Variants in KDM2B observed in about 807,000 individuals in gnomAD.
KDM2B encodes the protein lysine-specific demethylase 2B.
In KDM2B, 26 loss-of-function variants were observed where a neutral mutation model predicts 150.0. The ratio of observed to expected loss-of-function variants is 0.17; its 90% confidence interval spans 0.13 to 0.24. The LOEUF is 0.24. Among genes scored for constraint, KDM2B ranks in the 10% least tolerant of loss-of-function variants. The probability of loss-of-function intolerance (pLI) is 1.00; values close to 1 mark genes in which losing one functional copy is unlikely to be tolerated. For synonymous variants in KDM2B, 734 were observed against 729.5 expected, an observed-to-expected ratio of 1.01 and a Z score of -0.10; for missense variants, 1,265 against 1,816.9, an observed-to-expected ratio of 0.70 and a Z score of 5.52.
chr12:121,548,900 C>T lies in KDM2B; in HGVS notation c.660G>A (p.Glu220=), dbSNP rs1555311246. Residue 220 remains glutamate, a synonymous_variant, in exon 6 of 23, where the codon GAG becomes GAA. Transcript: ENST00000377071. Reference sequence around the variant, plus strand: ...ACTTTTTCACTTTCGGGTACTTCATCTCTGCAATGGCGTTCGTGGCTTCTG... The same window carrying T: ...ACTTTTTCACTTTCGGGTACTTCATTTCTGCAATGGCGTTCGTGGCTTCTG... The part of the protein sequence containing the change: ...KQTEATNAIA[E]MKYPKVKKYC... The T allele has an allele frequency of 1.9e-6, 3 of 1,614,028 alleles. No individual in the cohort carries two copies. In the African/African-American group the frequency reaches 4.0e-5, roughly 22 times the overall value.
chr12:121,478,915 G>A (rs956625665), intron 12 of KDM2B, among the ~76,000 whole-genome samples: 2 of 104,862 alleles, frequency 1.9e-5, no homozygotes, highest in Non-Finnish European at 4.3e-5. Context: ...ACAGAGTTTC[G>A]TCATGTTGCC....
the KDM2B span, chr12:121,423,604 C>T: frequency 1.3e-6 from 2 of 1,593,094 alleles, no homozygotes; most frequent in Non-Finnish European, 1.7e-6. This position sits in a 1 kb window ranked among gnomAD's most constrained non-coding sequence, Gnocchi z 4.3. Flanking sequence ...AGGACAGTCA[C>T]CCCCAAACTT....
intron 2 of KDM2B, among the ~76,000 whole-genome samples, chr12:121,576,406 A>C (rs548056185): frequency 1.8e-4 from 28 of 152,264 alleles, no homozygotes; most frequent in African/African-American, 6.7e-4. Flanking sequence ...GTTTCCCTGG[A>C]AACTGTGTAT....
intron 4 of KDM2B, among the ~76,000 whole-genome samples, chr12:121,559,042 C>A (rs1890130578): frequency 6.6e-6 from 1 of 152,206 alleles, no homozygotes; most frequent in Non-Finnish European, 1.5e-5. Flanking sequence ...AGGCCAGGGC[C>A]AAGCCAGGGT....
intron 12 of KDM2B, among the ~76,000 whole-genome samples, chr12:121,489,176 C>T (rs1230597736): frequency 1.3e-5 from 2 of 152,084 alleles, no homozygotes; most frequent in African/African-American, 4.8e-5. Context: ...AACTCCTGAC[C>T]TGAAGTGATG....
At chr12:121,410,484 C>A in the KDM2B span, among the ~76,000 whole-genome samples, 3 of 151,476 alleles carry the variant, frequency 2.0e-5, no homozygotes, top group African/African-American at 7.3e-5. Context: ...TTGCAGTGAG[C>A]CGAGATTGCG....
chr12:121,559,903 C>CA (rs200588261), intron 4 of KDM2B, among the ~76,000 whole-genome samples: 4,761 of 66,260 alleles, frequency 0.072, 166 homozygotes, highest in East Asian at 0.26. Flanking sequence ...AACTCCATCT[C>CA]AAAAAAAAAA....
the KDM2B span, chr12:121,420,542 T>C: frequency 8.4e-5 from 135 of 1,608,230 alleles, no homozygotes; most frequent in Admixed American, 2.2e-4. Flanking sequence ...TCTGGACTTA[T>C]GGGACCAGGG....
At chr12:121,536,071 A>G (rs1888067897) in intron 6 of KDM2B, 7 of 985,740 alleles carry the variant, frequency 7.1e-6, no homozygotes, top group Non-Finnish European at 8.4e-6. Flanking sequence ...AGAGGGAAGG[A>G]ATGGGGCGGG....
At chr12:121,555,121 A>G (rs1223662740) in intron 4 of KDM2B, among the ~76,000 whole-genome samples, 3 of 152,186 alleles carry the variant, frequency 2.0e-5, no homozygotes, top group African/African-American at 4.8e-5. Flanking sequence ...TACAGTGAGC[A>G]ATGGCTGTGC....
rs782584664 is a variant in KDM2B, at chr12:121,445,382, C to T, written c.1996G>A (p.Gly666Ser). 2 of 1,609,864 alleles carry T rather than the reference C, an allele frequency of 1.2e-6. No individual in the cohort carries two copies. Among genetic ancestry groups the T allele is most frequent in the South Asian group, 2.2e-5 (2 of 90,356 alleles). ...ACCGTGTCTTCCTTCCCCGCCTCGC[C>T]ACACACAAGGCACACGGCGGTGTGG... Reference protein sequence around the residue: ...LPHTAVCLVCGEAGKEDTVEE... With the variant: ...LPHTAVCLVCSEAGKEDTVEE... The change falls in exon 14 of 23, where the codon GGC becomes AGC. Residue 666 changes from glycine (G) to serine (S), a missense_variant. This residue lies in a region of KDM2B where 30 missense variants were observed against 32.0 expected (regional missense o/e 0.94). Coordinates refer to ENST00000377071, the MANE Select transcript of KDM2B (RefSeq NM_032590.5).
chr12:121,525,170 ACTCTCC>A (rs1165972837), intron 8 of KDM2B, among the ~76,000 whole-genome samples: 1 of 151,884 alleles, frequency 6.6e-6, no homozygotes, highest in Admixed American at 6.6e-5. Context: ...AAGTAAGGAT[ACTCTCC>A]CTTCAAGGAC....
intron 11 of KDM2B, among the ~76,000 whole-genome samples, chr12:121,499,812 T>C (rs1227314748): frequency 1.3e-5 from 2 of 151,804 alleles, no homozygotes; most frequent in Non-Finnish European, 1.5e-5. Flanking sequence ...TAGCCAGGCA[T>C]GGTGGCACGC....
At chr12:121,554,999 A>G (rs1555312474) in intron 4 of KDM2B, among the ~76,000 whole-genome samples, 2 of 152,098 alleles carry the variant, frequency 1.3e-5, no homozygotes, top group African/African-American at 4.8e-5. Context: ...CAGCCTGGAT[A>G]ACATGTCAAG....
chr12:121,417,743 T>C, the KDM2B span: 2 of 1,614,204 alleles, frequency 1.2e-6, no homozygotes, highest in East Asian at 4.5e-5. The surrounding 1 kb of genome is among the most constrained non-coding windows in gnomAD (Gnocchi z 5.0). Context: ...GACTAGGCTC[T>C]GAGGACGACA....
Position 121,443,755 on chromosome 12 carries a change from G to A in KDM2B, c.2490C>T (p.His830=), listed in dbSNP as rs1875615285. ...SLQTSPGSSS[H]LSPRPPLGSS... is the part of the protein sequence containing the mutation. ...TGCCTAGAGGGGGCCTCGGCGAGAG[G>A]TGAGAGGAGGAACCGGGGGACGTTT... is the stretch of plus-strand genomic sequence containing the variant. Residue 830 remains histidine, a synonymous_variant, in exon 17 of 23, where the codon CAC becomes CAT. Coordinates refer to ENST00000377071, the MANE Select transcript of KDM2B (RefSeq NM_032590.5). 2 of 1,610,330 alleles carry A rather than the reference G, an allele frequency of 1.2e-6. No homozygotes were observed. Among genetic ancestry groups the A allele is most frequent in the South Asian group, 1.1e-5 (1 of 90,986 alleles).
intron 9 of KDM2B, among the ~76,000 whole-genome samples, chr12:121,515,818 C>A (rs1371347509): frequency 6.6e-6 from 1 of 151,984 alleles, no homozygotes; most frequent in African/African-American, 2.4e-5. Flanking sequence ...GGATGGAATG[C>A]TTTGGAATGG....
intron 13 of KDM2B, among the ~76,000 whole-genome samples, chr12:121,447,120 TAAA>T (rs1291782290): frequency 1.3e-5 from 2 of 152,196 alleles, no homozygotes; most frequent in African/African-American, 4.8e-5. Flanking sequence ...AAAAGGCTAT[TAAA>T]ATACTCCTCC....
In KDM2B at chr12:121,520,967, A is replaced by G. The variant is rs1886634997; in HGVS notation, c.1047+18T>C. The G allele has an allele frequency of 1.2e-6, 2 of 1,603,772 alleles. No homozygotes were observed. The highest frequency in any genetic ancestry group is 1.7e-5 in the Admixed American group (1 of 59,972). ...AGGGGCCAGGCGCGCACGCGAGGAC[A>G]GAAGGGAACCTCCTTACCCGCGTCC... On this transcript the variant is annotated intron_variant, in intron 9 of 22. Transcript: ENST00000377071. This position sits in a 1 kb window ranked among gnomAD's most constrained non-coding sequence, Gnocchi z 4.5.
Sources: gnomAD v4.1 joint callset for allele counts (sites outside exome capture counted in the v4.1 genomes callset) on GRCh38, gnomAD v4.1.1 for gene constraint, gnomAD v4.1.1 regional missense constraint, Gnocchi (gnomAD v3.1) non-coding constraint, MANE v1.5 for transcripts, NCBI Gene and HGNC (gene_info 2026-07-23, HGNC 2026-07-21) for gene names.